Variants in CDC42SE2 observed in about 807,000 individuals in gnomAD.
CDC42SE2 encodes CDC42 small effector 2.
CDC42SE2 carries 3 observed loss-of-function variants against 11.5 expected under a neutral mutation model. That is an observed-to-expected ratio of 0.26 (90% CI 0.12 to 0.67). The LOEUF is 0.67. Among genes scored for constraint, CDC42SE2 ranks in the 30% least tolerant of loss-of-function variants. The probability of loss-of-function intolerance (pLI) is 0.80; values close to 1 mark genes in which losing one functional copy is unlikely to be tolerated. For missense variants in CDC42SE2, 82 were observed against 106.8 expected (o/e 0.77, Z 1.02); for synonymous variants, 33 against 34.8 (o/e 0.95, Z 0.18).
chr5:131,235,180 C>T, the CDC42SE2 span, among the ~76,000 whole-genome samples: 167 of 151,910 alleles, frequency 1.1e-3, no homozygotes, highest in Admixed American at 2.0e-3. Context: ...TGAGCCACCG[C>T]GCCTGGCCAG....
At chr5:131,239,737 C>T in the CDC42SE2 span, among the ~76,000 whole-genome samples, 1 of 152,162 alleles carries the variant, frequency 6.6e-6, no homozygotes, top group Non-Finnish European at 1.5e-5. Flanking sequence ...TTGGACTTCC[C>T]TCACCATAGG....
At chr5:131,335,581 G>A (rs1406925586) in intron 2 of CDC42SE2, among the ~76,000 whole-genome samples, 13 of 152,014 alleles carry the variant, frequency 8.6e-5, no homozygotes, top group East Asian at 5.8e-4. Flanking sequence ...AAAGTCTCCC[G>A]TTATTATCGT....
upstream of CDC42SE2, among the ~76,000 whole-genome samples, chr5:131,244,313 A>T (rs954735715): frequency 3.3e-5 from 5 of 152,254 alleles, no homozygotes; most frequent in Non-Finnish European, 5.9e-5. Flanking sequence ...ACCAGAAAAG[A>T]TAAAGAAGAT....
upstream of CDC42SE2, among the ~76,000 whole-genome samples, chr5:131,263,099 ATTTTTTT>A: frequency 7.3e-6 from 1 of 137,770 alleles, no homozygotes; most frequent in South Asian, 2.3e-4. Flanking sequence ...CACCAGGGTA[ATTTTTTT>A]TTTTTTTTTT....
intron 1 of CDC42SE2, among the ~76,000 whole-genome samples, chr5:131,274,011 C>G (rs115643587): frequency 0.024 from 3,663 of 152,250 alleles, 144 homozygotes; most frequent in African/African-American, 0.082. Flanking sequence ...CTCAAGTGAT[C>G]TGCCTGCCTG....
At chr5:131,281,675 G>A (rs549890570) in intron 1 of CDC42SE2, among the ~76,000 whole-genome samples, 11 of 152,276 alleles carry the variant, frequency 7.2e-5, no homozygotes, top group Admixed American at 3.9e-4. Flanking sequence ...ACAGTAAGTG[G>A]CAGAACAAGT....
chr5:131,385,178 A>G (rs1750444668), intron 3 of CDC42SE2, among the ~76,000 whole-genome samples: 1 of 152,252 alleles, frequency 6.6e-6, no homozygotes, highest in Non-Finnish European at 1.5e-5. Flanking sequence ...GTAATGTTTA[A>G]AATCAGACAG....
intron 2 of CDC42SE2, among the ~76,000 whole-genome samples, chr5:131,356,249 T>C (rs1749540454): frequency 6.6e-6 from 1 of 152,226 alleles, no homozygotes; most frequent in Admixed American, 6.5e-5. Context: ...ATCTAAAGAT[T>C]TCAAAAAGTA....
rs1384772974 is a variant in CDC42SE2 at position 131,391,516 on chromosome 5, A to AG, written c.*425_*426insG. 6.6e-6 allele frequency: 1 copy of AG among 152,468 alleles called. No homozygotes were observed. The highest frequency in any genetic ancestry group is 1.5e-5 in the Non-Finnish European group (1 of 68,242). The allele number at this position is 152,468 out of a possible 1,614,324, so 9.4% of individuals were successfully genotyped here. A position where few individuals can be genotyped will look rare whatever the true frequency, so the allele number is the denominator to read the frequency against. On this transcript the variant is annotated 3_prime_UTR_variant, in exon 5 of 5. Coordinates refer to ENST00000505065, the MANE Select transcript of CDC42SE2 (RefSeq NM_001375635.1). ...GTGAAACCCCATCTCTACTAAAAAT[A>AG]CAAAAATTAGCTGGGCATGGTGGCG...
At position 131,359,536 on chromosome 5, in the gene CDC42SE2, C is replaced by A; in HGVS notation, c.43C>A (p.Gln15Lys). 1 of 1,612,034 alleles carries A rather than the reference C, an allele frequency of 6.2e-7. No individual in the cohort carries two copies. The highest frequency in any genetic ancestry group is 2.2e-5 in the East Asian group (1 of 44,856). ...GTGTTTCAACTGCTGTATTGCAGAA[C>A]AGCCTCAGCCTGTAAGTATGAAGTA... ...WLCFNCCIAE[Q>K]PQPKRRRRID... is the part of the protein sequence containing the mutation. The change falls in exon 3 of 5, where the codon CAG (glutamine) becomes AAG (lysine). Residue 15 changes from glutamine to lysine, a missense_variant. Physicochemically the swap from Gln to Lys is moderately conservative, Grantham distance 53. Coordinates refer to ENST00000505065, the MANE Select transcript of CDC42SE2 (RefSeq NM_001375635.1).
the CDC42SE2 span, among the ~76,000 whole-genome samples, chr5:131,230,481 C>T: frequency 3.3e-5 from 5 of 152,142 alleles, no homozygotes; most frequent in African/African-American, 1.2e-4. Flanking sequence ...CACTCCAAGC[C>T]CAGGAAGTCT....
chr5:131,359,446 T>G lies in CDC42SE2; in HGVS notation c.-48T>G. 1 of 1,460,716 alleles carries G rather than the reference T, an allele frequency of 6.8e-7. No individual in the cohort carries two copies. Among genetic ancestry groups the G allele is most frequent in the Non-Finnish European group, 9.6e-7 (1 of 1,039,986 alleles). 90.5% of individuals were successfully genotyped at this position (1,460,716 alleles called of 1,614,324 possible). A position where few individuals can be genotyped will look rare whatever the true frequency, so the allele number is the denominator to read the frequency against. On this transcript the variant is annotated 5_prime_UTR_variant, in exon 3 of 5. Transcript: ENST00000505065. The stretch of plus-strand genomic sequence containing the variant: ...GAGCGTATTTTTGGAACTTCCCGAG[T>G]TGAGATTTGGAACCTTCATTGGTGC...
At chr5:131,281,766 AT>A (rs1757242043) in intron 1 of CDC42SE2, among the ~76,000 whole-genome samples, 2 of 152,314 alleles carry the variant, frequency 1.3e-5, no homozygotes, top group South Asian at 2.1e-4. Context: ...GGACTTTGAA[AT>A]TTAGACACAC....
At chr5:131,266,985 C>G (rs1195061635) in intron 1 of CDC42SE2, among the ~76,000 whole-genome samples, 1 of 120,484 alleles carries the variant, frequency 8.3e-6, no homozygotes, top group African/African-American at 3.1e-5. Flanking sequence ...TTCGGATAAG[C>G]ACATCATCAG....
At chr5:131,314,597 A>G (rs1758002332) in intron 1 of CDC42SE2, among the ~76,000 whole-genome samples, 1 of 152,086 alleles carries the variant, frequency 6.6e-6, no homozygotes, top group Non-Finnish European at 1.5e-5. Flanking sequence ...TTGAGTATTA[A>G]TCTTGGTTTT....
At chr5:131,325,691 G>A (rs547552420) in intron 2 of CDC42SE2, among the ~76,000 whole-genome samples, 1 of 152,186 alleles carries the variant, frequency 6.6e-6, no homozygotes, top group African/African-American at 2.4e-5. Flanking sequence ...AGGAAACTGA[G>A]GTCCCATCTC....
intron 3 of CDC42SE2, among the ~76,000 whole-genome samples, chr5:131,374,565 G>A (rs545166415): frequency 2.1e-4 from 32 of 149,212 alleles, no homozygotes; most frequent in Middle Eastern, 3.6e-3. Flanking sequence ...AGCAGACATT[G>A]TGTGTAAAAT....
chr5:131,321,723 C>A (rs941929528), intron 2 of CDC42SE2, among the ~76,000 whole-genome samples: 41 of 152,146 alleles, frequency 2.7e-4, no homozygotes, highest in African/African-American at 9.9e-4. Context: ...ATCTTCCCCC[C>A]CGCCAAAATC....
At chr5:131,357,537 A>C (rs1749586192) in intron 2 of CDC42SE2, among the ~76,000 whole-genome samples, 1 of 152,210 alleles carries the variant, frequency 6.6e-6, no homozygotes, top group Non-Finnish European at 1.5e-5. Context: ...TGATCCTGTA[A>C]TGTGGTTGTT....
Sources: gnomAD v4.1 joint callset for allele counts (sites outside exome capture counted in the v4.1 genomes callset) on GRCh38, gnomAD v4.1.1 for gene constraint, MANE v1.5 for transcripts, NCBI Gene and HGNC (gene_info 2026-07-23, HGNC 2026-07-21) for gene names.